FRAS1: variants seen among roughly 807,000 people sequenced by gnomAD.
FRAS1 encodes the protein Fraser extracellular matrix complex subunit 1.
In FRAS1, 290 loss-of-function variants were observed where a neutral mutation model predicts 435.2. The ratio of observed to expected loss-of-function variants is 0.67; its 90% CI spans 0.61 to 0.73. The LOEUF (loss-of-function observed/expected upper bound fraction) is 0.73. Ranked by LOEUF, FRAS1 falls within the 30% of genes least tolerant of loss-of-function variation. The pLI, the probability that FRAS1 is intolerant of heterozygous loss-of-function variation, is 0.00. For missense variants in FRAS1, 4,860 were observed against 5,001.5 expected (o/e 0.97, Z 0.85); for synonymous variants, 1,800 against 1,851.0 (o/e 0.97, Z 0.71).
In FRAS1 at chr4:78,110,389, G is replaced by T. The variant is rs1383903906; in HGVS notation, c.108+44373G>T. ...CAGTAACCAAAACAGCATGGTACTG[G>T]TACCAAAACAGAGATATAGATCAAT... On this transcript the variant is annotated intron_variant, in intron 2 of 73. Coordinates refer to ENST00000512123, the MANE Select transcript of FRAS1 (RefSeq NM_025074.7). Among the ~76,000 whole-genome samples, 2 of 124,696 alleles carry T rather than the reference G, an allele frequency of 1.6e-5. 1 individual carries two copies. The highest frequency in any genetic ancestry group is 6.6e-5 in the African/African-American group (2 of 30,350). 81.8% of individuals were successfully genotyped at this position (124,696 alleles called of 152,430 possible). A position where few individuals can be genotyped will look rare whatever the true frequency, so the allele number is the denominator to read the frequency against.
intron 2 of FRAS1, among the ~76,000 whole-genome samples, chr4:78,233,469 G>A (rs1724600118): frequency 6.6e-6 from 1 of 152,092 alleles, no homozygotes. Flanking sequence ...ATGAGAAGAT[G>A]GGAAAGTCAA....
At position 78,511,136 on chromosome 4, in the gene FRAS1, C is replaced by T. The variant is rs535048475; in HGVS notation, c.9781-138C>T. On this transcript the variant is annotated intron_variant, in intron 63 of 73. Coordinates refer to ENST00000512123, the MANE Select transcript of FRAS1 (RefSeq NM_025074.7). Reference sequence around the variant, plus strand: ...GTTCATAGTTAAAAGTCAATAATTACGTGATGAATGAATGAATAGATGGAA... The same window carrying T: ...GTTCATAGTTAAAAGTCAATAATTATGTGATGAATGAATGAATAGATGGAA... The T allele has an allele frequency of 8.0e-5, 57 of 714,880 alleles. No individual in the cohort carries two copies. In the South Asian group the frequency reaches 8.5e-4, roughly 11 times the overall value. 44.3% of individuals were successfully genotyped at this position (714,880 alleles called of 1,614,324 possible).
intron 29 of FRAS1, among the ~76,000 whole-genome samples, chr4:78,388,848 A>G (rs1431455451): frequency 1.3e-5 from 2 of 152,152 alleles, no homozygotes; most frequent in African/African-American, 4.8e-5. Context: ...AGCCTGAGTC[A>G]TTGACATGCC....
intron 58 of FRAS1, among the ~76,000 whole-genome samples, chr4:78,486,828 CT>C (rs1720183748): frequency 9.1e-6 from 1 of 109,408 alleles, no homozygotes; most frequent in South Asian, 2.6e-4. Context: ...TTCTCTCTCT[CT>C]ATTTTTTTTT....
At chr4:78,211,955 C>T (rs1411782074) in intron 2 of FRAS1, among the ~76,000 whole-genome samples, 1 of 152,054 alleles carries the variant, frequency 6.6e-6, no homozygotes, top group East Asian at 1.9e-4. Flanking sequence ...CAAGATCTGC[C>T]ATTTTGTGTT....
chr4:78,085,100 C>G (rs1878439), intron 2 of FRAS1, among the ~76,000 whole-genome samples: 101,726 of 151,758 alleles, frequency 0.67, 35,422 homozygotes, highest in East Asian at 0.88. Flanking sequence ...GGGGAGTATT[C>G]TTTTGTTTTT....
At chr4:78,482,572 A>G (rs1385407791) in intron 58 of FRAS1, 37 bp downstream of exon 58, 1 of 1,586,320 alleles carries the variant, frequency 6.3e-7, no homozygotes, top group East Asian at 2.2e-5. Flanking sequence ...AGGTCCAAAT[A>G]TATTTCTATT....
chr4:78,473,667 T>G, intron 53 of FRAS1, 70 bp downstream of exon 53: 1 of 1,273,900 alleles, frequency 7.8e-7, no homozygotes, highest in Non-Finnish European at 1.1e-6. Flanking sequence ...GGATGAAGGA[T>G]GCTGGGGGGC....
intron 2 of FRAS1, among the ~76,000 whole-genome samples, chr4:78,072,967 AG>A (rs1740434334): frequency 6.6e-6 from 1 of 152,144 alleles, no homozygotes; most frequent in Non-Finnish European, 1.5e-5. Flanking sequence ...TGTGGATAGA[AG>A]GTTAGAGCTG....
At chr4:78,310,517 C>T (rs1728972516) in intron 15 of FRAS1, among the ~76,000 whole-genome samples, 1 of 152,204 alleles carries the variant, frequency 6.6e-6, no homozygotes, top group Admixed American at 6.5e-5. Context: ...TGGATCATAG[C>T]TGACATTAGT....
intron 18 of FRAS1, among the ~76,000 whole-genome samples, chr4:78,331,935 C>T (rs1729965302): frequency 6.6e-6 from 1 of 152,118 alleles, no homozygotes; most frequent in Non-Finnish European, 1.5e-5. Flanking sequence ...GAAGGGGCAC[C>T]TCATAGCATA....
chr4:78,292,777 C>T (rs1268534487), intron 14 of FRAS1, among the ~76,000 whole-genome samples: 6 of 152,162 alleles, frequency 3.9e-5, no homozygotes, highest in African/African-American at 1.4e-4. Flanking sequence ...GCAACATACC[C>T]CAGGATTGGA....
At chr4:78,490,874 T>C (rs1180696451) in intron 59 of FRAS1, among the ~76,000 whole-genome samples, 1 of 152,040 alleles carries the variant, frequency 6.6e-6, no homozygotes, top group Admixed American at 6.6e-5. Flanking sequence ...GAGCTGGTTT[T>C]TTTTTTAAAG....
chr4:78,212,392 C>T (rs986212161), intron 2 of FRAS1, among the ~76,000 whole-genome samples: 10 of 152,058 alleles, frequency 6.6e-5, no homozygotes, highest in African/African-American at 2.4e-4. Context: ...CCCCCAAAAC[C>T]AAGTCAAAGG....
intron 26 of FRAS1, among the ~76,000 whole-genome samples, 188 bp downstream of exon 26, chr4:78,376,067 G>A (rs1230953611): frequency 2.0e-5 from 3 of 152,192 alleles, no homozygotes; most frequent in East Asian, 3.9e-4. Context: ...CGCAACTTCT[G>A]TAATCATTGG....
intron 14 of FRAS1, among the ~76,000 whole-genome samples, chr4:78,298,498 G>T (rs1480849806): frequency 6.6e-6 from 1 of 152,022 alleles, no homozygotes; most frequent in African/African-American, 2.4e-5. Context: ...CTGCTGTTGT[G>T]TCTGGCCATG....
chr4:78,181,517 C>T (rs1364668234), intron 2 of FRAS1: 4 of 1,611,618 alleles, frequency 2.5e-6, no homozygotes, highest in Non-Finnish European at 3.4e-6. Flanking sequence ...GCCCATTCCA[C>T]GTCCACGGCC....
chr4:78,144,672 T>A (rs2110003048), intron 2 of FRAS1, among the ~76,000 whole-genome samples: 1 of 152,296 alleles, frequency 6.6e-6, no homozygotes, highest in East Asian at 1.9e-4. Context: ...TTTTTGAGCC[T>A]CTTTCTTTGC....
chr4:78,225,806 T>C (rs1724245012), intron 2 of FRAS1, among the ~76,000 whole-genome samples: 1 of 152,242 alleles, frequency 6.6e-6, no homozygotes, highest in Non-Finnish European at 1.5e-5. Flanking sequence ...AGTTCATACT[T>C]GATAATAATG....
Sources: gnomAD v4.1 joint callset for allele counts (sites outside exome capture counted in the v4.1 genomes callset) on GRCh38, gnomAD v4.1.1 for gene constraint, MANE v1.5 for transcripts, NCBI Gene and HGNC (gene_info 2026-07-23, HGNC 2026-07-21) for gene names.